LRMDA: variants seen among roughly 807,000 people sequenced by gnomAD.
LRMDA encodes leucine-rich melanocyte differentiation-associated protein.
LRMDA carries 18 observed loss-of-function variants against 29.8 expected under a neutral mutation model. That is an observed-to-expected ratio of 0.60 (90% CI 0.42 to 0.90). The LOEUF is 0.90. LRMDA is among the 40% of genes least tolerant of loss of function. The pLI is 0.00. For missense variants in LRMDA, 273 were observed against 273.9 expected (o/e 1.00, Z 0.02); for synonymous variants, 125 against 109.4 (o/e 1.14, Z -0.89).
intron 6 of LRMDA, among the ~76,000 whole-genome samples, chr10:76,399,644 TTC>T (rs1322140380): frequency 1.3e-5 from 2 of 152,168 alleles, no homozygotes; most frequent in East Asian, 3.8e-4. Flanking sequence ...CGTTCTCTTT[TTC>T]CCCCCAAAAC....
chr10:76,554,828 T>G (rs1843534894), intron 6 of LRMDA, among the ~76,000 whole-genome samples: 1 of 151,850 alleles, frequency 6.6e-6, no homozygotes, highest in Admixed American at 6.6e-5. Flanking sequence ...AATCCGTGAA[T>G]GTACTGGAGA....
chr10:75,961,269 A>G (rs1846761487), intron 2 of LRMDA, among the ~76,000 whole-genome samples: 2 of 152,258 alleles, frequency 1.3e-5, no homozygotes, highest in African/African-American at 4.8e-5. Flanking sequence ...GGTATTTTAT[A>G]TGCTGCCTCT....
chr10:76,079,124 T>C (rs563794168), intron 5 of LRMDA, among the ~76,000 whole-genome samples: 5 of 152,342 alleles, frequency 3.3e-5, no homozygotes, highest in East Asian at 3.9e-4. Flanking sequence ...CTACAGTTGC[T>C]TGGGTGCCTA....
intron 2 of LRMDA, among the ~76,000 whole-genome samples, chr10:75,781,644 A>G (rs1208224944): frequency 6.6e-6 from 1 of 152,196 alleles, no homozygotes; most frequent in African/African-American, 2.4e-5. Flanking sequence ...TTTTGCTGAT[A>G]CCCCTCATGG....
intron 2 of LRMDA, among the ~76,000 whole-genome samples, chr10:75,972,155 G>C (rs1443792115): frequency 6.6e-6 from 1 of 152,188 alleles, no homozygotes; most frequent in East Asian, 1.9e-4. Context: ...GCAGCCCAGG[G>C]ATGATGACTA....
chr10:75,769,498 G>C (rs12263771), intron 2 of LRMDA, among the ~76,000 whole-genome samples: 5,518 of 152,240 alleles, frequency 0.036, 250 homozygotes, highest in African/African-American at 0.11. Flanking sequence ...GTTTTGTTAA[G>C]ATGTCTTGTT....
rs558813974 is a variant in LRMDA at position 75,544,500 on chromosome 10, G to A, written c.131+106006G>A. Reference sequence around the variant, plus strand: ...ATTCTGACTTGGATATAGGGTGCTCGAAAGACAGTTTTTCTTGTCTTCCTA... The same window carrying A: ...ATTCTGACTTGGATATAGGGTGCTCAAAAGACAGTTTTTCTTGTCTTCCTA... On this transcript the variant is annotated intron_variant, in intron 2 of 6. Transcript: ENST00000611255. Among the ~76,000 whole-genome samples, 4 of 152,218 alleles carry A rather than the reference G, an allele frequency of 2.6e-5. No individual in the cohort carries two copies. In the South Asian group the frequency reaches 6.2e-4, roughly 24 times the overall value.
At chr10:76,092,230 G>C (rs954512662) in intron 5 of LRMDA, among the ~76,000 whole-genome samples, 1 of 152,266 alleles carries the variant, frequency 6.6e-6, no homozygotes, top group Middle Eastern at 3.4e-3. Flanking sequence ...GAGGACTTTC[G>C]CACCCTGCAG....
chr10:76,511,785 C>A (rs1843011382), intron 6 of LRMDA, among the ~76,000 whole-genome samples: 1 of 148,916 alleles, frequency 6.7e-6, no homozygotes, highest in Non-Finnish European at 1.5e-5. Flanking sequence ...ATCAAAATGA[C>A]AATATTTCTC....
Position 75,633,941 on chromosome 10 carries a change from C to T in LRMDA, c.131+195447C>T, listed in dbSNP as rs139821158. Among the ~76,000 whole-genome samples the T allele has an allele frequency of 8.0e-4, 122 of 152,294 alleles. No individual in the cohort carries two copies. The Middle Eastern group carries it at 0.01, about 13-fold the overall frequency. On this transcript the variant is annotated intron_variant, in intron 2 of 6. Coordinates refer to ENST00000611255, the MANE Select transcript of LRMDA (RefSeq NM_001305581.2). ...TAAAAAATTAAGGAATATCTATTTA[C>T]GTGTTTTATTTGGAAGCACACATTA...
intron 5 of LRMDA, among the ~76,000 whole-genome samples, chr10:76,226,978 G>A (rs1049222055): frequency 6.6e-6 from 1 of 152,204 alleles, no homozygotes; most frequent in African/African-American, 2.4e-5. Context: ...GCAATGTTGT[G>A]AGGTTCATGA....
intron 2 of LRMDA, among the ~76,000 whole-genome samples, chr10:75,898,736 C>A (rs1242253146): frequency 6.6e-6 from 1 of 152,152 alleles, no homozygotes; most frequent in Non-Finnish European, 1.5e-5. Flanking sequence ...TGAAGCTTGA[C>A]CTTGCTGTAT....
At chr10:76,408,161 A>C (rs1016966236) in intron 6 of LRMDA, among the ~76,000 whole-genome samples, 2 of 152,180 alleles carry the variant, frequency 1.3e-5, no homozygotes, top group African/African-American at 4.8e-5. Flanking sequence ...TGAGCTTCAG[A>C]AGGGTTTGGA....
chr10:75,564,053 C>G (rs1385109160), intron 2 of LRMDA, among the ~76,000 whole-genome samples: 1 of 152,206 alleles, frequency 6.6e-6, no homozygotes, highest in Non-Finnish European at 1.5e-5. Flanking sequence ...AACCACTGCT[C>G]TCTTCAAAGC....
chr10:75,529,283 A>G (rs1425279242), intron 2 of LRMDA, among the ~76,000 whole-genome samples: 1 of 152,218 alleles, frequency 6.6e-6, no homozygotes, highest in East Asian at 1.9e-4. Flanking sequence ...AAATGGCAAC[A>G]TGGGAAGCTA....
intron 2 of LRMDA, among the ~76,000 whole-genome samples, chr10:75,482,553 C>T (rs1403514227): frequency 5.9e-5 from 9 of 152,116 alleles, no homozygotes; most frequent in South Asian, 4.1e-4. Flanking sequence ...TGTGAAGGTA[C>T]GCCCAGGTCT....
intron 2 of LRMDA, among the ~76,000 whole-genome samples, chr10:76,029,650 A>G (rs1848117191): frequency 6.6e-6 from 1 of 152,168 alleles, no homozygotes; most frequent in Admixed American, 6.5e-5. Flanking sequence ...CTAGCTCCTT[A>G]TTCTCCATTA....
chr10:76,174,511 A>C (rs918178369), intron 5 of LRMDA, among the ~76,000 whole-genome samples: 1 of 152,156 alleles, frequency 6.6e-6, no homozygotes, highest in Non-Finnish European at 1.5e-5. Flanking sequence ...CCTTTTCCTA[A>C]AAGGAAAACA....
chr10:75,884,531 A>T (rs1475799541), intron 2 of LRMDA, among the ~76,000 whole-genome samples: 1 of 152,218 alleles, frequency 6.6e-6, no homozygotes, highest in Non-Finnish European at 1.5e-5. Context: ...GAAGAAGATC[A>T]GAAACTAAGA....
Sources: allele counts gnomAD v4.1 joint callset (sites outside exome capture counted in the v4.1 genomes callset), GRCh38; gene constraint gnomAD v4.1.1; transcripts MANE v1.5; gene names NCBI Gene and HGNC (gene_info 2026-07-23, HGNC 2026-07-21).